Variants in ZC3HAV1L observed in about 807,000 individuals in gnomAD.
The protein encoded by ZC3HAV1L is ZC3HAV1 like.
Under a neutral mutation model 28.2 loss-of-function variants are expected in ZC3HAV1L, and 23 were observed. The ratio of observed to expected loss-of-function variants is 0.82; its 90% CI spans 0.59 to 1.16. The LOEUF is 1.16. Among genes scored for constraint, ZC3HAV1L ranks in the 50% most tolerant of loss-of-function variants. The pLI is 0.00. For synonymous variants in ZC3HAV1L, 180 were observed against 163.4 expected (o/e 1.10, Z -0.78); for missense variants, 376 against 387.7 (o/e 0.97, Z 0.25).
chr7:139,024,188 T>G (rs1378024336), downstream of ZC3HAV1L, among the ~76,000 whole-genome samples: 1 of 152,150 alleles, frequency 6.6e-6, no homozygotes, highest in Non-Finnish European at 1.5e-5. Context: ...TTCTAACAGC[T>G]TAATCATGAG....
intron 2 of ZC3HAV1L, chr7:139,033,786 C>G (rs1474156434): frequency 1.0e-6 from 1 of 985,348 alleles, no homozygotes; most frequent in Non-Finnish European, 1.2e-6. Context: ...ATAGCAGCGG[C>G]ACCACGCCTT....
At chr7:139,030,834 T>A (rs56401212) in intron 2 of ZC3HAV1L, among the ~76,000 whole-genome samples, 2,789 of 39,414 alleles carry the variant, frequency 0.071, 70 homozygotes, top group African/African-American at 0.2. Context: ...ATAATAATAA[T>A]TAATTAATTA....
rs2130640352 is a variant in ZC3HAV1L, at chr7:139,035,262, C to T, written c.365+391G>A. 9 of 985,384 alleles carry T rather than the reference C, an allele frequency of 9.1e-6. No homozygotes were observed. In the South Asian group the frequency reaches 3.8e-4, roughly 41 times the overall value. The allele number at this position is 985,384 out of a possible 1,614,324, so 61.0% of individuals were successfully genotyped here. On this transcript the variant is annotated intron_variant, in intron 1 of 4. Transcript: ENST00000275766. ...GTGGATATGGGGGAGCAGCGATTTC[C>T]GGCTAAAGGGTCCAGGGATCTCATG...
At chr7:139,027,241 C>T (rs1815383036) in intron 3 of ZC3HAV1L, among the ~76,000 whole-genome samples, 2 of 152,230 alleles carry the variant, frequency 1.3e-5, no homozygotes, top group Admixed American at 1.3e-4. Flanking sequence ...GCAACTCCGC[C>T]TTTGGTGATT....
intron 1 of ZC3HAV1L, chr7:139,035,191 A>G: frequency 3.0e-6 from 3 of 985,366 alleles, no homozygotes; most frequent in Non-Finnish European, 3.6e-6. Flanking sequence ...AGACTGGCTC[A>G]GCGCTGTTAA....
downstream of ZC3HAV1L, among the ~76,000 whole-genome samples, chr7:139,022,018 GAATT>G (rs1217437440): frequency 4.6e-5 from 7 of 151,862 alleles, no homozygotes; most frequent in African/African-American, 1.2e-4. Flanking sequence ...AGCCAAGAAA[GAATT>G]AATTAAGGTA....
At chr7:139,032,946 G>T (rs188026655) in intron 2 of ZC3HAV1L, among the ~76,000 whole-genome samples, 1 of 152,064 alleles carries the variant, frequency 6.6e-6, no homozygotes, top group Non-Finnish European at 1.5e-5. Context: ...AGTGGCTCAC[G>T]CCTGTAATCC....
chr7:139,024,351 A>G (rs575191044), downstream of ZC3HAV1L, among the ~76,000 whole-genome samples: 1 of 152,212 alleles, frequency 6.6e-6, no homozygotes, highest in African/African-American at 2.4e-5. Flanking sequence ...CATAATGATA[A>G]GATATAAAAA....
rs1167083192 is a variant in ZC3HAV1L, at chr7:139,035,789, T to G, written c.229A>C (p.Thr77Pro). Residue 77 changes from threonine (T) to proline (P), a missense_variant, in exon 1 of 5, where the codon ACC becomes CCC. By Grantham distance (38) the Thr-to-Pro change is conservative. Transcript: ENST00000275766. ...ACGGCCACCACCCTCCAGGCGGAGG[T>G]GCCGCCACCGCCCACCGCGCCGGCC... is the stretch of plus-strand genomic sequence containing the variant. ...AAAGAVGGGG[T>P]SAWRVVAVSS... 6.7e-7 allele frequency: 1 copy of G among 1,491,786 alleles called. No homozygotes were observed. Among genetic ancestry groups the G allele is most frequent in the Non-Finnish European group, 8.9e-7 (1 of 1,129,364 alleles). 92.4% of individuals were successfully genotyped at this position (1,491,786 alleles called of 1,614,324 possible).
chr7:139,035,981 C>T lies in ZC3HAV1L; in HGVS notation c.37G>A (p.Val13Met). Residue 13 changes from valine (V) to methionine (M), a missense_variant, in exon 1 of 5, where the codon GTG becomes ATG. By Grantham distance (21) the Val-to-Met change is conservative. Coordinates refer to ENST00000275766, the MANE Select transcript of ZC3HAV1L (RefSeq NM_080660.4). ...EPTVCSFLTK[V>M]LCAHGGRMFL... ...ATGCGGCCGCCGTGGGCGCACAGCA[C>T]CTTGGTGAGGAAGGAGCACACTGTG... is the stretch of plus-strand genomic sequence containing the variant. 6.6e-7 allele frequency: 1 copy of T among 1,525,914 alleles called. No homozygotes were observed. The highest frequency in any genetic ancestry group is 8.7e-7 in the Non-Finnish European group (1 of 1,144,870). 94.5% of individuals were successfully genotyped at this position (1,525,914 alleles called of 1,614,324 possible).
chr7:139,026,439 C>G lies in ZC3HAV1L; in HGVS notation c.*105G>C. 1.3e-6 allele frequency: 2 copies of G among 1,540,220 alleles called. No individual in the cohort carries two copies. The highest frequency in any genetic ancestry group is 1.7e-6 in the Non-Finnish European group (2 of 1,147,328). ...TTGCCCTGGACTAGCCCCATCTGCA[C>G]TCAATTTTAGCCTCTCTTTGCCTGT... On this transcript the variant is annotated 3_prime_UTR_variant, in exon 5 of 5. Coordinates refer to ENST00000275766, the MANE Select transcript of ZC3HAV1L (RefSeq NM_080660.4).
chr7:139,028,582 T>G, intron 3 of ZC3HAV1L, 120 bp downstream of exon 3: 1 of 1,318,146 alleles, frequency 7.6e-7, no homozygotes, highest in South Asian at 1.4e-5. Flanking sequence ...AAAGATGAAA[T>G]TAACATAGGA....
Position 139,035,731 on chromosome 7 carries a change from C to T in ZC3HAV1L, c.287G>A (p.Arg96His). 1 of 1,488,086 alleles carries T rather than the reference C, an allele frequency of 6.7e-7. No individual in the cohort carries two copies. The highest frequency in any genetic ancestry group is 8.9e-7 in the Non-Finnish European group (1 of 1,127,940). The allele number at this position is 1,488,086 out of a possible 1,614,324, so 92.2% of individuals were successfully genotyped here. The change falls in exon 1 of 5, where the codon CGC (arginine) becomes CAC (histidine). Residue 96 changes from arginine to histidine, a missense_variant. By Grantham distance (29) the Arg-to-His change is conservative (BLOSUM62 0). Coordinates refer to ENST00000275766, the MANE Select transcript of ZC3HAV1L (RefSeq NM_080660.4). ...SSVRLCARYQ[R>H]GECQACDQLH... ...CTGGTCGCAGGCCTGGCACTCGCCG[C>T]GCTGGTAGCGGGCGCAGAGGCGCAC...
chr7:139,022,108 A>G (rs897755694), downstream of ZC3HAV1L, among the ~76,000 whole-genome samples: 8 of 152,222 alleles, frequency 5.3e-5, 1 homozygote, highest in Admixed American at 4.6e-4. Context: ...TGGAGACTAA[A>G]TCCCTCGATG....
intron 2 of ZC3HAV1L, among the ~76,000 whole-genome samples, chr7:139,033,016 C>T (rs7785411): frequency 0.59 from 89,105 of 151,600 alleles, 27,327 homozygotes; most frequent in African/African-American, 0.76. Context: ...AAGACCAGCC[C>T]GGCCAACATG....
At chr7:139,029,078 C>T (rs1815447024) in intron 2 of ZC3HAV1L, 118 bp from the exon 3 acceptor site, 1 of 1,192,596 alleles carries the variant, frequency 8.4e-7, no homozygotes, top group Admixed American at 2.6e-5. Flanking sequence ...TCTTGGCTCA[C>T]TGCAACCTCC....
downstream of ZC3HAV1L, among the ~76,000 whole-genome samples, chr7:139,022,819 C>T (rs1815271427): frequency 6.6e-6 from 1 of 152,112 alleles, no homozygotes; most frequent in South Asian, 2.1e-4. Flanking sequence ...GCCAACCTGG[C>T]GTTTTGAAGA....
chr7:139,034,615 A>G lies in ZC3HAV1L; in HGVS notation c.429T>C (p.His143=), dbSNP rs745511251. The G allele has an allele frequency of 1.3e-5, 21 of 1,614,070 alleles. No individual in the cohort carries two copies. In the South Asian group the frequency reaches 1.9e-4, roughly 14 times the overall value. Reference sequence around the variant, plus strand: ...GGTTTTCATTGAGACCAAAAAGTCCATGGCTTTTCAGGACCTGCATGTTGA... The same window carrying G: ...GGTTTTCATTGAGACCAAAAAGTCCGTGGCTTTTCAGGACCTGCATGTTGA... ...TPVNMQVLKS[H]GLFGLNENQL... The change falls in exon 2 of 5, where the codon CAT becomes CAC. Residue 143 remains histidine, a synonymous_variant. Coordinates refer to ENST00000275766, the MANE Select transcript of ZC3HAV1L (RefSeq NM_080660.4).
In ZC3HAV1L at chr7:139,035,858, C is replaced by T. The variant is rs1225001349; in HGVS notation, c.160G>A (p.Val54Met). The change falls in exon 1 of 5, where the codon GTG becomes ATG. Residue 54 changes from valine (V) to methionine (M), a missense_variant. Transcript: ENST00000275766. ...TCCCCGAGGCCCTCCTGCGTCTCCA[C>T]CTCCTGCAGCAGGAAACGCTCGGGC... ...AGPERFLLQE[V>M]ETQEGLGDAE... is the part of the protein sequence containing the mutation. The T allele has an allele frequency of 6.6e-7, 1 of 1,507,872 alleles. No individual in the cohort carries two copies. The highest frequency in any genetic ancestry group is 8.8e-7 in the Non-Finnish European group (1 of 1,136,064). 93.4% of individuals were successfully genotyped at this position (1,507,872 alleles called of 1,614,324 possible). A position where few individuals can be genotyped will look rare whatever the true frequency, so the allele number is the denominator to read the frequency against.
Sources: allele counts gnomAD v4.1 joint callset (sites outside exome capture counted in the v4.1 genomes callset), GRCh38; gene constraint gnomAD v4.1.1; transcripts MANE v1.5; gene names NCBI Gene and HGNC (gene_info 2026-07-23, HGNC 2026-07-21).